MAPK10: variants seen among roughly 807,000 people sequenced by gnomAD.
The protein encoded by MAPK10 is mitogen-activated protein kinase 10, also known as JNK3 alpha protein kinase.
In MAPK10, 25 loss-of-function variants were observed where a neutral mutation model predicts 59.3. That is an observed-to-expected ratio of 0.42 (90% CI 0.31 to 0.59). The LOEUF (loss-of-function observed/expected upper bound fraction) is 0.59. Ranked by LOEUF, MAPK10 falls within the 20% of genes least tolerant of loss-of-function variation. The probability of loss-of-function intolerance (pLI) is 0.15; values close to 1 mark genes in which losing one functional copy is unlikely to be tolerated. For missense variants in MAPK10, 351 were observed against 568.9 expected, an observed-to-expected ratio of 0.62 and a Z score of 3.90; for synonymous variants, 190 against 200.5, an observed-to-expected ratio of 0.95 and a Z score of 0.44.
chr4:86,223,606 C>A (rs561279477), intron 2 of MAPK10, among the ~76,000 whole-genome samples: 1 of 152,278 alleles, frequency 6.6e-6, no homozygotes, highest in African/African-American at 2.4e-5. Context: ...AACCCGGAAC[C>A]TCGGGCCATT....
intron 2 of MAPK10, among the ~76,000 whole-genome samples, chr4:86,307,958 C>A (rs1292497712): frequency 6.6e-6 from 1 of 152,128 alleles, no homozygotes; most frequent in Non-Finnish European, 1.5e-5. Context: ...ATAGCTCTAG[C>A]TGCAGAATTA....
chr4:86,068,465 T>C (rs1352043963), intron 9 of MAPK10, among the ~76,000 whole-genome samples: 1 of 152,146 alleles, frequency 6.6e-6, no homozygotes, highest in African/African-American at 2.4e-5. Context: ...GGAATTTTTT[T>C]CTATTTTTAT....
At chr4:86,228,358 G>A (rs1355396467) in intron 2 of MAPK10, among the ~76,000 whole-genome samples, 1 of 152,152 alleles carries the variant, frequency 6.6e-6, no homozygotes, top group Non-Finnish European at 1.5e-5. Flanking sequence ...ATCAAGGCCC[G>A]AGATGCCAGA....
At chr4:86,358,027 A>G (rs1735394941) in intron 1 of MAPK10, 3 of 967,774 alleles carry the variant, frequency 3.1e-6, no homozygotes, top group Non-Finnish European at 3.7e-6. Context: ...AAGCTAATCC[A>G]ATACTTTATG....
At chr4:86,413,361 G>T (rs1745442218) in intron 1 of MAPK10, among the ~76,000 whole-genome samples, 1 of 152,214 alleles carries the variant, frequency 6.6e-6, no homozygotes, top group Admixed American at 6.5e-5. Flanking sequence ...CTACACAGGG[G>T]CCAGGGACCC....
At chr4:86,287,675 C>T (rs1398630516) in intron 2 of MAPK10, among the ~76,000 whole-genome samples, 6 of 152,178 alleles carry the variant, frequency 3.9e-5, no homozygotes, top group Admixed American at 2.6e-4. Context: ...ATAGATTACA[C>T]ACTACTACAT....
chr4:86,277,481 T>A (rs1281650985), intron 2 of MAPK10, among the ~76,000 whole-genome samples: 1 of 152,148 alleles, frequency 6.6e-6, no homozygotes, highest in African/African-American at 2.4e-5. Context: ...TTAGCAGTGA[T>A]AATCTAATAA....
intron 1 of MAPK10, among the ~76,000 whole-genome samples, chr4:86,533,459 T>C (rs538314383): frequency 6.6e-6 from 1 of 152,300 alleles, no homozygotes; most frequent in African/African-American, 2.4e-5. Flanking sequence ...AAATGAATTG[T>C]TCAAAAAAGT....
rs570600896 is a variant in MAPK10 at position 86,304,573 on chromosome 4, T to C, written c.-7+49957A>G. On this transcript the variant is annotated intron_variant, in intron 2 of 13. Transcript: ENST00000641462. ...GCGCCCGGCTAATTTTTTGTATTTT[T>C]AGTAGAGACGGGGTTTCACCGTGTT... is the stretch of plus-strand genomic sequence containing the variant. Among the ~76,000 whole-genome samples the C allele has an allele frequency of 3.2e-3, 479 of 151,484 alleles. 2 individuals carry two copies. The highest frequency in any genetic ancestry group is 5.7e-3 in the Non-Finnish European group (388 of 67,820).
Position 86,415,626 on chromosome 4 carries a change from C to T in MAPK10, c.-122+37404G>A, listed in dbSNP as rs1745769904. On this transcript the variant is annotated intron_variant, in intron 1 of 13. Transcript: ENST00000361569. ...ACCATTACAGAGTCAGTTCTTTTTC[C>T]CACTACAAAATATAGTTGATATCTG... Among the ~76,000 whole-genome samples, 3 of 152,276 alleles carry T rather than the reference C, an allele frequency of 2.0e-5. No individual in the cohort carries two copies. The South Asian group carries it at 6.2e-4, about 32-fold the overall frequency.
intron 1 of MAPK10, among the ~76,000 whole-genome samples, chr4:86,529,283 C>T (rs1757694980): frequency 6.6e-6 from 1 of 152,104 alleles, no homozygotes; most frequent in South Asian, 2.1e-4. Context: ...CCCCTCATTG[C>T]CCCCCACACT....
intron 1 of MAPK10, among the ~76,000 whole-genome samples, chr4:86,563,970 T>A (rs574105202): frequency 6.0e-4 from 91 of 152,280 alleles, no homozygotes; most frequent in African/African-American, 2.1e-3. Flanking sequence ...TAGCTAGGAT[T>A]ACAGGTGCAT....
At position 86,026,481 on chromosome 4, in the gene MAPK10, C is replaced by T. The variant is rs899945861; in HGVS notation, c.1252+2716G>A. 2.6e-5 allele frequency: 4 copies of T among 152,178 alleles called. No individual in the cohort carries two copies. In the East Asian group the frequency reaches 7.7e-4, roughly 29 times the overall value. The allele number at this position is 152,178 out of a possible 1,614,324, so 9.4% of individuals were successfully genotyped here. ...AAATGTATCTGAAGTTTAGATTTATCTCTTATTGACATACAACAATTTCAT... is the reference window on the plus strand; with the variant it reads ...AAATGTATCTGAAGTTTAGATTTATTTCTTATTGACATACAACAATTTCAT... On this transcript the variant is annotated intron_variant, in intron 13 of 13. Coordinates refer to ENST00000641462, the MANE Select transcript of MAPK10 (RefSeq NM_138982.4).
intron 3 of MAPK10, chr4:86,192,313 G>A (rs1448456372): frequency 6.6e-6 from 1 of 151,948 alleles, no homozygotes; most frequent in African/African-American, 2.4e-5. Flanking sequence ...TATGAATGTT[G>A]GCCTCTCTTG....
chr4:86,477,253 A>C (rs1753176452), intron 1 of MAPK10, among the ~76,000 whole-genome samples: 2 of 152,088 alleles, frequency 1.3e-5, no homozygotes. Flanking sequence ...AGGCTTCTAA[A>C]TCTCTTAAAA....
chr4:86,546,021 C>T (rs937383884), intron 1 of MAPK10, among the ~76,000 whole-genome samples: 3 of 151,934 alleles, frequency 2.0e-5, no homozygotes, highest in Non-Finnish European at 2.9e-5. Context: ...GAGGCCGAGG[C>T]GGGCGGACTG....
At chr4:86,033,726 G>T (rs950640898) in intron 11 of MAPK10, among the ~76,000 whole-genome samples, 34 of 152,288 alleles carry the variant, frequency 2.2e-4, no homozygotes, top group Non-Finnish European at 1.2e-4. Context: ...GTATTTGTTC[G>T]ACGGCCTCTG....
rs144595447 is a variant in MAPK10, at chr4:86,176,310, C to T, written c.67-16843G>A. ...AGAGCATGATTACAAATTAACCATA[C>T]ACTGAAAATCACGAATAGTTCTGGA... is the stretch of plus-strand genomic sequence containing the variant. On this transcript the variant is annotated intron_variant, in intron 3 of 13. Coordinates refer to ENST00000641462, the MANE Select transcript of MAPK10 (RefSeq NM_138982.4). 8.4e-3 allele frequency among the ~76,000 whole-genome samples: 1,281 copies of T among 152,202 alleles called. 21 individuals carry two copies. Among genetic ancestry groups the T allele is most frequent in the African/African-American group, 0.029 (1,221 of 41,538 alleles).
chr4:86,177,346 T>C (rs551907646), intron 3 of MAPK10, among the ~76,000 whole-genome samples: 5 of 152,258 alleles, frequency 3.3e-5, no homozygotes, highest in African/African-American at 1.2e-4. Flanking sequence ...GGTTTTTCCT[T>C]TGCCCTGCTC....
Sources: allele counts gnomAD v4.1 joint callset (sites outside exome capture counted in the v4.1 genomes callset), GRCh38; gene constraint gnomAD v4.1.1; transcripts MANE v1.5; gene names NCBI Gene and HGNC (gene_info 2026-07-23, HGNC 2026-07-21).